CSF1R: variants seen among roughly 807,000 people sequenced by gnomAD.
The protein encoded by CSF1R is macrophage colony-stimulating factor 1 receptor.
CSF1R carries 40 observed loss-of-function variants against 110.0 expected under a neutral mutation model. The ratio of observed to expected loss-of-function variants is 0.36; its 90% CI spans 0.28 to 0.47. CSF1R has a LOEUF of 0.47. CSF1R is among the 20% of genes least tolerant of loss of function. The pLI is 0.99. For missense variants in CSF1R, 1,052 were observed against 1,253.0 expected (o/e 0.84, Z 2.42); for synonymous variants, 523 against 503.4 (o/e 1.04, Z -0.52).
At chr5:150,084,447 G>GAAGGAAGA (rs1758735642) in intron 1 of CSF1R, among the ~76,000 whole-genome samples, 1 of 63,938 alleles carries the variant, frequency 1.6e-5, no homozygotes, top group Non-Finnish European at 3.1e-5. Context: ...AGGAAGGAAG[G>GAAGGAAGA]AAGGAAGGAA....
At chr5:150,068,678 CACT>C (rs1467655713) in intron 9 of CSF1R, among the ~76,000 whole-genome samples, 14 of 152,176 alleles carry the variant, frequency 9.2e-5, no homozygotes, top group Admixed American at 3.3e-4. Context: ...GGCTTGCATG[CACT>C]ACACCTCCAG....
At chr5:150,089,164 A>G (rs555881671), upstream of CSF1R, among the ~76,000 whole-genome samples, 1 of 152,362 alleles carries the variant, frequency 6.6e-6, no homozygotes, top group African/African-American at 2.4e-5. Context: ...GGAACAAGAC[A>G]AAGATGCCTG....
intron 1 of CSF1R, among the ~76,000 whole-genome samples, chr5:150,093,724 C>T (rs553948072): frequency 3.9e-5 from 6 of 152,304 alleles, no homozygotes; most frequent in Non-Finnish European, 8.8e-5. Flanking sequence ...GATCATTACA[C>T]AATATACACA....
intron 1 of CSF1R, among the ~76,000 whole-genome samples, chr5:150,092,368 G>T (rs1408921762): frequency 6.6e-6 from 1 of 152,176 alleles, no homozygotes; most frequent in Admixed American, 6.5e-5. Context: ...CTCCACAGGG[G>T]ATACATTCCA....
Position 150,084,390 on chromosome 5 carries a change from AGAAGGAAGGAAGGAAGGAAG to A in CSF1R, c.49+1969_49+1988del, listed in dbSNP as rs796350408. ...AAGAAAGAAAGAAAGAAAGAAAGAA[AGAAGGAAGGAAGGAAGGAAG>A]GAAGGAAGGAAGGAAGGAAGGAAGG... On this transcript the variant is annotated intron_variant, in intron 1 of 20. Transcript: ENST00000675795. 1.1e-3 allele frequency among the ~76,000 whole-genome samples: 49 copies of A among 44,372 alleles called. 1 individual carries two copies. The highest frequency in any genetic ancestry group is 2.3e-3 in the South Asian group (3 of 1,290). The allele number at this position is 44,372 out of a possible 152,430, so 29.1% of individuals were successfully genotyped here. A position where few individuals can be genotyped will look rare whatever the true frequency, so the allele number is the denominator to read the frequency against.
At chr5:150,111,850 T>C (rs779047178) in intron 1 of CSF1R, among the ~76,000 whole-genome samples, 14 of 152,224 alleles carry the variant, frequency 9.2e-5, no homozygotes, top group Non-Finnish European at 1.2e-4. Context: ...TGGGAAAAGT[T>C]AAGCCCTGGA....
At chr5:150,054,298 C>A (rs1161668017) in intron 20 of CSF1R, 24 bp downstream of exon 20, 1 of 1,614,064 alleles carries the variant, frequency 6.2e-7, no homozygotes, top group Non-Finnish European at 8.5e-7. Flanking sequence ...ACCGGCCACC[C>A]ACCCCAAGCC....
At position 150,078,200 on chromosome 5, in the gene CSF1R, C is replaced by T. The variant is rs376495524; in HGVS notation, c.641G>A (p.Arg214Gln). 17 of 1,613,958 alleles carry T rather than the reference C, an allele frequency of 1.1e-5. No homozygotes were observed. Among genetic ancestry groups the T allele is most frequent in the South Asian group, 2.2e-5 (2 of 91,074 alleles). Reference sequence around the variant, plus strand: ...GATCTGGGCAGCCTCCCCTCGAATCCGCACCAGCTCTGCAGGCACCAGTGT... The same window carrying T: ...GATCTGGGCAGCCTCCCCTCGAATCTGCACCAGCTCTGCAGGCACCAGTGT... Reference protein sequence around the residue: ...ALTLVPAELVRIRGEAAQIVC... With the variant: ...ALTLVPAELVQIRGEAAQIVC... The change falls in exon 4 of 21, where the codon CGG becomes CAG. Residue 214 changes from arginine (R) to glutamine (Q), a missense_variant. This residue lies in a region of CSF1R where 693 missense variants were observed against 735.4 expected (regional missense o/e 0.94). Transcript: ENST00000675795.
At chr5:150,057,654 G>C in intron 14 of CSF1R, 62 bp from the exon 15 acceptor site, 2 of 1,286,576 alleles carry the variant, frequency 1.6e-6, no homozygotes, top group Non-Finnish European at 2.3e-6. Flanking sequence ...GCTCAGCTCA[G>C]GCCTTGACCA....
rs1232530105 is a variant in CSF1R, at chr5:150,068,320, C to T, written c.1521G>A (p.Thr507=). The change falls in exon 10 of 21, where the codon ACG becomes ACA. Residue 507 remains threonine (T), a synonymous_variant. Transcript: ENST00000675795. ...TGAAGAGGAACTCATCCGGGGGATG[C>T]GTGTGGGCTCCTGGAAGGCATGAAG... The part of the protein sequence containing the change: ...AFIPISAGAH[T]HPPDEFLFTP... 8.1e-6 allele frequency: 13 copies of T among 1,611,814 alleles called. No individual in the cohort carries two copies. The highest frequency in any genetic ancestry group is 5.0e-5 in the Admixed American group (3 of 59,946).
chr5:150,086,401 C>A lies in CSF1R; in HGVS notation c.27G>T (p.Leu9=). MGPGVLLL[L]LVATAWHGQG... ...TACCATGCCAAGCTGTGGCCACCAG[C>A]AGGAGCAGCAGAACTCCTGGGCCCA... is the stretch of plus-strand genomic sequence containing the variant. The change falls in exon 1 of 21, where the codon CTG becomes CTT. Residue 9 remains leucine (L), a synonymous_variant. Coordinates refer to ENST00000675795, the MANE Select transcript of CSF1R (RefSeq NM_001288705.3). 3 of 1,610,370 alleles carry A rather than the reference C, an allele frequency of 1.9e-6. No homozygotes were observed. The South Asian group carries it at 3.3e-5, about 18-fold the overall frequency.
rs76377354 is a variant in CSF1R, at chr5:150,104,853, A to G, written c.-181+8408T>C. Among the ~76,000 whole-genome samples, 965 of 151,676 alleles carry G rather than the reference A, an allele frequency of 6.4e-3. 17 individuals are homozygous for G. The highest frequency in any genetic ancestry group is 0.022 in the African/African-American group (908 of 41,370). Reference sequence around the variant, plus strand: ...TCCTCCTGGAAAAAATGGCATTTAGAGGCCTAATCCTTACTCTTTTGTTCA... The same window carrying G: ...TCCTCCTGGAAAAAATGGCATTTAGGGGCCTAATCCTTACTCTTTTGTTCA... On this transcript the variant is annotated intron_variant, in intron 1 of 21. Transcript: ENST00000286301.
intron 10 of CSF1R, among the ~76,000 whole-genome samples, chr5:150,065,062 GC>G (rs754853519): frequency 2.0e-5 from 3 of 152,182 alleles, no homozygotes; most frequent in Non-Finnish European, 4.4e-5. Context: ...GGAGTGGGGC[GC>G]TGGGCTAGAT....
rs1758844058 is a variant in CSF1R, at chr5:150,086,327, GTCT to G, written c.49+49_49+51del. The G allele has an allele frequency of 3.2e-6, 5 of 1,544,504 alleles. No individual in the cohort carries two copies. In the Admixed American group the frequency reaches 9.3e-5, roughly 29 times the overall value. On this transcript the variant is annotated intron_variant, in intron 1 of 20. Transcript: ENST00000675795. The stretch of plus-strand genomic sequence containing the variant: ...GCAAGGACTGAATCCTTTCACAGGG[GTCT>G]TCTCCATCACACCCCAACAAAGTCC...
At chr5:150,060,205 T>C (rs1757438233) in intron 13 of CSF1R, among the ~76,000 whole-genome samples, 1 of 151,944 alleles carries the variant, frequency 6.6e-6, no homozygotes. Context: ...CATGTGCCTG[T>C]AGTTCCAACT....
At position 150,061,783 on chromosome 5, in the gene CSF1R, C is replaced by T. The variant is rs960200814; in HGVS notation, c.1693G>A (p.Asp565Asn). 8.7e-6 allele frequency: 14 copies of T among 1,614,034 alleles called. No homozygotes were observed. The highest frequency in any genetic ancestry group is 1.1e-5 in the Non-Finnish European group (13 of 1,180,054). Residue 565 changes from aspartate (D) to asparagine (N), a missense_variant, in exon 11 of 21, where the codon GAC (aspartate) becomes AAC (asparagine). By Grantham distance (23) the Asp-to-Asn change is conservative. Around this residue, in one of 5 missense-constraint regions of CSF1R, gnomAD observed 693 missense variants for 735.4 expected, o/e 0.94. Coordinates refer to ENST00000675795, the MANE Select transcript of CSF1R (RefSeq NM_001288705.3). ...SYEGNSYTFI[D>N]PTQLPYNEKW... ...TCGTTGTAAGGCAGCTGCGTGGGGT[C>T]GATGAAAGTATAACTGTTGCCCTCA...
At position 150,078,246 on chromosome 5, in the gene CSF1R, T is replaced by C. The variant is rs545394093; in HGVS notation, c.595A>G (p.Ile199Val). The C allele has an allele frequency of 6.2e-6, 10 of 1,614,048 alleles. No individual in the cohort carries two copies. Among genetic ancestry groups the C allele is most frequent in the African/African-American group, 2.7e-5 (2 of 75,036 alleles). ...ISIRLKVQKV[I>V]PGPPALTLVP... ...AGTGTCAAGGCTGGGGGCCCTGGGA[T>C]GACTGAGACCGGGGGAGAGACCCCT... The change falls in exon 4 of 21, where the codon ATC (isoleucine) becomes GTC (valine). Residue 199 changes from isoleucine (I) to valine (V), a missense_variant and splice_region_variant. Physicochemically the swap from Ile to Val is conservative, Grantham distance 29 (BLOSUM62 3). Around this residue, in one of 5 missense-constraint regions of CSF1R, gnomAD observed 693 missense variants for 735.4 expected, o/e 0.94. Transcript: ENST00000675795.
At chr5:150,089,456 A>C (rs546077587), upstream of CSF1R, among the ~76,000 whole-genome samples, 3 of 152,392 alleles carry the variant, frequency 2.0e-5, no homozygotes, top group Admixed American at 1.3e-4. Flanking sequence ...TTTAATTTGC[A>C]ATAGTATCAA....
At chr5:150,105,393 T>G (rs1759526250) in intron 1 of CSF1R, among the ~76,000 whole-genome samples, 1 of 138,364 alleles carries the variant, frequency 7.2e-6, no homozygotes. Flanking sequence ...TATTTTTTTT[T>G]TTTTAATAGA....
Sources: gnomAD v4.1 joint callset for allele counts (sites outside exome capture counted in the v4.1 genomes callset) on GRCh38, gnomAD v4.1.1 for gene constraint, gnomAD v4.1.1 regional missense constraint, MANE v1.5 for transcripts, NCBI Gene and HGNC (gene_info 2026-07-23, HGNC 2026-07-21) for gene names.